The following R3HDM1 variants were observed in gnomAD, a reference collection of about 807,000 sequenced individuals.
R3HDM1 encodes the protein R3H domain-containing protein 1.
R3HDM1 carries 46 observed loss-of-function variants against 141.1 expected under a neutral mutation model. The ratio of observed to expected loss-of-function variants is 0.33; its 90% CI spans 0.26 to 0.42. The LOEUF (loss-of-function observed/expected upper bound fraction) is 0.42, where lower values mean the gene tolerates loss of function less well. Among genes scored for constraint, R3HDM1 ranks in the 10% least tolerant of loss-of-function variants. The pLI is 1.00. For missense variants in R3HDM1, 1,184 were observed against 1,368.3 expected (o/e 0.87, Z 2.12); for synonymous variants, 435 against 472.9 (o/e 0.92, Z 1.04).
At position 135,724,312 on chromosome 2, in the gene R3HDM1, C is replaced by G; in HGVS notation, c.*20C>G. 6.5e-7 allele frequency: 1 copy of G among 1,542,000 alleles called. No individual in the cohort carries two copies. Among genetic ancestry groups the G allele is most frequent in the Non-Finnish European group, 8.9e-7 (1 of 1,127,476 alleles). On this transcript the variant is annotated 3_prime_UTR_variant, in exon 27 of 27. Transcript: ENST00000683871. ...CAGTAACAGCCACCTTTGGACCCTT[C>G]GCCTTTATGGTTCCCCTGCCCTCTC...
At chr2:135,564,362 C>T (rs1197566094) in intron 1 of R3HDM1, among the ~76,000 whole-genome samples, 1 of 152,180 alleles carries the variant, frequency 6.6e-6, no homozygotes, top group Non-Finnish European at 1.5e-5. Flanking sequence ...CTCTGTTGCC[C>T]AGGCGGGAGT....
intron 15 of R3HDM1, among the ~76,000 whole-genome samples, chr2:135,644,700 T>C (rs962261740): frequency 2.0e-5 from 3 of 152,178 alleles, no homozygotes; most frequent in African/African-American, 7.2e-5. Flanking sequence ...TATCCTGAAG[T>C]CAAGCATTTT....
At chr2:135,579,815 T>C (rs1706382126) in intron 1 of R3HDM1, among the ~76,000 whole-genome samples, 1 of 152,218 alleles carries the variant, frequency 6.6e-6, no homozygotes, top group South Asian at 2.1e-4. Context: ...TTAATAGTGT[T>C]ACATCAATGT....
chr2:135,618,945 A>G (rs4954272), intron 5 of R3HDM1, among the ~76,000 whole-genome samples: 44,830 of 151,292 alleles, frequency 0.3, 10,706 homozygotes, highest in African/African-American at 0.65. Context: ...GCTTGAACCC[A>G]GGAGGCAGAG....
intron 17 of R3HDM1, chr2:135,651,301 G>C (rs2065121726): frequency 1.0e-6 from 1 of 984,678 alleles, no homozygotes; most frequent in Admixed American, 6.1e-5. Flanking sequence ...CTTCTAGGAA[G>C]AGGGGAGATA....
At chr2:135,605,108 A>AC in intron 3 of R3HDM1, 92 bp downstream of exon 3, 1 of 1,180,946 alleles carries the variant, frequency 8.5e-7, no homozygotes, top group Non-Finnish European at 1.2e-6. Flanking sequence ...CAAAATTCTA[A>AC]AAGGGTAAGT....
At chr2:135,665,072 A>G (rs2067289325) in intron 19 of R3HDM1, among the ~76,000 whole-genome samples, 1 of 152,212 alleles carries the variant, frequency 6.6e-6, no homozygotes, top group Non-Finnish European at 1.5e-5. Flanking sequence ...TTGGTTTGTA[A>G]CAGCTTGGCA....
At chr2:135,552,309 C>G (rs1049232095) in intron 1 of R3HDM1, among the ~76,000 whole-genome samples, 9 of 152,040 alleles carry the variant, frequency 5.9e-5, no homozygotes, top group Non-Finnish European at 1.0e-4. Context: ...AATTCTCCCC[C>G]CTCAGCCTCC....
intron 2 of R3HDM1, among the ~76,000 whole-genome samples, 171 bp from the exon 3 acceptor site, chr2:135,604,634 CT>C (rs1240037289): frequency 1.3e-5 from 2 of 151,876 alleles, no homozygotes; most frequent in Non-Finnish European, 2.9e-5. Context: ...GTATTGTGAT[CT>C]TTTTTTTAAT....
rs78420863 is a variant in R3HDM1 at position 135,579,598 on chromosome 2, G to C, written c.-249-22902G>C. Among the ~76,000 whole-genome samples the C allele has an allele frequency of 7.7e-4, 115 of 150,142 alleles. 1 individual carries two copies. Among genetic ancestry groups the C allele is most frequent in the East Asian group, 1.2e-3 (6 of 5,042 alleles). ...AAAAATGGTAACTATGGGGTGGCGG[G>C]GGGGGGTGGAAATGGCAGATACCAC... On this transcript the variant is annotated intron_variant, in intron 1 of 26. Transcript: ENST00000683871.
chr2:135,621,100 CTT>C (rs527913916), intron 5 of R3HDM1, among the ~76,000 whole-genome samples: 133 of 152,108 alleles, frequency 8.7e-4, no homozygotes, highest in African/African-American at 3.2e-3. Context: ...TGACTTGACA[CTT>C]ATACATTCGT....
In R3HDM1 at chr2:135,698,980, C is replaced by CAGAT. The variant is rs71400533; in HGVS notation, c.2460-10391_2460-10388dup. On this transcript the variant is annotated intron_variant, in intron 21 of 26. Transcript: ENST00000683871. Reference sequence around the variant, plus strand: ...ACACACATCCAAACAATATTACACTCAGATAGATAGATAGATAGATAGATA... The same window carrying CAGAT: ...ACACACATCCAAACAATATTACACTCAGATAGATAGATAGATAGATAGATAGATA... Among the ~76,000 whole-genome samples, 646 of 78,164 alleles carry CAGAT rather than the reference C, an allele frequency of 8.3e-3. 13 individuals are homozygous for CAGAT. The highest frequency in any genetic ancestry group is 0.024 in the African/African-American group (502 of 20,698). 51.3% of individuals were successfully genotyped at this position (78,164 alleles called of 152,430 possible).
Position 135,677,533 on chromosome 2 carries a change from T to C in R3HDM1, c.2307+2047T>C, listed in dbSNP as rs1287131905. Among the ~76,000 whole-genome samples the C allele has an allele frequency of 3.3e-5, 5 of 152,236 alleles. No homozygotes were observed. In the East Asian group the frequency reaches 9.6e-4, roughly 29 times the overall value. On this transcript the variant is annotated intron_variant, in intron 20 of 26. Coordinates refer to ENST00000683871, the MANE Select transcript of R3HDM1 (RefSeq NM_001378107.1). ...TTACATCTAGTAAGAGAAATGTCAT[T>C]TTTAAACAAATTACAGCCTAATTAG... is the stretch of plus-strand genomic sequence containing the variant.
At chr2:135,577,776 T>C (rs919494211) in intron 1 of R3HDM1, among the ~76,000 whole-genome samples, 1 of 142,422 alleles carries the variant, frequency 7.0e-6, no homozygotes, top group Non-Finnish European at 1.5e-5. Context: ...AGGCAGAGGT[T>C]ACGACGAGCC....
intron 15 of R3HDM1, 128 bp downstream of exon 15, chr2:135,641,918 T>C: frequency 8.3e-7 from 1 of 1,201,544 alleles, no homozygotes; most frequent in Admixed American, 3.3e-5. Flanking sequence ...CCAAGAACTT[T>C]ATAACAAAAA....
intron 19 of R3HDM1, chr2:135,667,354 G>A (rs1371374122): frequency 2.0e-6 from 1 of 498,438 alleles, no homozygotes; most frequent in African/African-American, 2.1e-5. Flanking sequence ...GGATAATATT[G>A]CAACAGTGCA....
At chr2:135,655,476 TTTTC>T (rs1406315507) in intron 18 of R3HDM1, among the ~76,000 whole-genome samples, 2 of 151,854 alleles carry the variant, frequency 1.3e-5, no homozygotes, top group Non-Finnish European at 2.9e-5. Context: ...TTCTTTTTCT[TTTTC>T]TTTTTTTTGT....
At chr2:135,668,343 T>C (rs1164535052) in intron 19 of R3HDM1, among the ~76,000 whole-genome samples, 1 of 152,246 alleles carries the variant, frequency 6.6e-6, no homozygotes, top group Non-Finnish European at 1.5e-5. Flanking sequence ...AATGTTCTGC[T>C]CTTTAGAGAA....
intron 21 of R3HDM1, among the ~76,000 whole-genome samples, chr2:135,680,959 T>G (rs991332183): frequency 1.3e-5 from 2 of 152,178 alleles, no homozygotes; most frequent in Admixed American, 1.3e-4. Flanking sequence ...AAAATTGTAT[T>G]TCCTGTGTAT....
Sources: gnomAD v4.1 joint callset for allele counts (sites outside exome capture counted in the v4.1 genomes callset) on GRCh38, gnomAD v4.1.1 for gene constraint, MANE v1.5 for transcripts, NCBI Gene and HGNC (gene_info 2026-07-23, HGNC 2026-07-21) for gene names.